Variants in DCLK1 observed in about 807,000 individuals in gnomAD.
DCLK1 encodes serine/threonine-protein kinase DCLK1.
Under a neutral mutation model 86.2 loss-of-function variants are expected in DCLK1, and 16 were observed. That is an observed-to-expected ratio of 0.19 (90% CI 0.13 to 0.28). The LOEUF is 0.28. Ranked by LOEUF, DCLK1 falls within the 10% of genes least tolerant of loss-of-function variation. The pLI is 1.00. For synonymous variants in DCLK1, 369 were observed against 370.5 expected, an observed-to-expected ratio of 1.00 and a Z score of 0.05; for missense variants, 590 against 940.2, an observed-to-expected ratio of 0.63 and a Z score of 4.87.
chr13:35,859,208 C>A (rs1871248064), intron 5 of DCLK1, among the ~76,000 whole-genome samples: 1 of 152,146 alleles, frequency 6.6e-6, no homozygotes, highest in African/African-American at 2.4e-5. Context: ...TGTTAAACAG[C>A]CAAGCAGGGC....
At chr13:35,801,158 T>G (rs1406268649) in intron 15 of DCLK1, among the ~76,000 whole-genome samples, 1 of 152,246 alleles carries the variant, frequency 6.6e-6, no homozygotes, top group African/African-American at 2.4e-5. Context: ...ATTAGTACTT[T>G]TCTTCCCCCT....
intron 3 of DCLK1, among the ~76,000 whole-genome samples, chr13:35,992,890 C>G (rs536503113): frequency 1.3e-5 from 2 of 152,272 alleles, no homozygotes; most frequent in Non-Finnish European, 2.9e-5. Flanking sequence ...ATGAACTGCA[C>G]TGATATACTA....
At chr13:36,013,817 C>A (rs979870672) in intron 3 of DCLK1, among the ~76,000 whole-genome samples, 2 of 152,182 alleles carry the variant, frequency 1.3e-5, no homozygotes, top group Non-Finnish European at 2.9e-5. Flanking sequence ...GCGGGCGCCC[C>A]TCCCCCAGCC....
chr13:35,938,900 G>A (rs1029527867), intron 4 of DCLK1, among the ~76,000 whole-genome samples: 7 of 152,148 alleles, frequency 4.6e-5, no homozygotes, highest in Non-Finnish European at 4.4e-5. Flanking sequence ...AGGACCGGAA[G>A]AGAAAATGTA....
intron 4 of DCLK1, among the ~76,000 whole-genome samples, chr13:35,872,903 C>T (rs776319308): frequency 2.6e-5 from 4 of 152,032 alleles, no homozygotes; most frequent in Non-Finnish European, 5.9e-5. Context: ...ATACATTTTC[C>T]ATACTTATAT....
intron 11 of DCLK1, among the ~76,000 whole-genome samples, chr13:35,818,992 G>C (rs2087333559): frequency 6.6e-6 from 1 of 151,994 alleles, no homozygotes; most frequent in African/African-American, 2.4e-5. Flanking sequence ...CGTCTAACAG[G>C]CCAGTTGGGA....
intron 3 of DCLK1, among the ~76,000 whole-genome samples, chr13:36,051,479 T>C (rs1883121183): frequency 6.6e-6 from 1 of 152,044 alleles, no homozygotes; most frequent in South Asian, 2.1e-4. Context: ...AACACATAAG[T>C]ACATTTGTCT....
At chr13:35,805,876 T>G in intron 14 of DCLK1, 97 bp from the exon 15 acceptor site, 4 of 1,077,910 alleles carry the variant, frequency 3.7e-6, no homozygotes, top group Non-Finnish European at 5.3e-6. Flanking sequence ...CGAAAAGCAT[T>G]TGTAAAAGCT....
rs140633784 is a variant in DCLK1 at position 35,966,536 on chromosome 13, G to A, written c.724-19079C>T. On this transcript the variant is annotated intron_variant, in intron 3 of 16. Transcript: ENST00000360631. ...CCCCTCTCCCTCTCCCTCTTTGCAC[G>A]GTCTCCCTCTGATGCTGAGCGGAGG... Among the ~76,000 whole-genome samples the A allele has an allele frequency of 8.5e-3, 827 of 96,878 alleles. 17 individuals carry two copies. Among genetic ancestry groups the A allele is most frequent in the African/African-American group, 0.032 (787 of 24,866 alleles). The allele number at this position is 96,878 out of a possible 152,430, so 63.6% of individuals were successfully genotyped here.
rs371013400 is a variant in DCLK1, at chr13:35,866,954, G to A, written c.940+4270C>T. Among the ~76,000 whole-genome samples the A allele has an allele frequency of 2.8e-4, 42 of 152,324 alleles. No homozygotes were observed. The South Asian group carries it at 8.7e-3, about 32-fold the overall frequency. ...GGCCAGAGCAGTGGAGGGGCCCTGA[G>A]AGAGGGGTTTCCCTGACATCCAGCA... On this transcript the variant is annotated intron_variant, in intron 5 of 16. Transcript: ENST00000360631.
chr13:35,891,612 G>T (rs1013117173), intron 4 of DCLK1, among the ~76,000 whole-genome samples: 1 of 152,202 alleles, frequency 6.6e-6, no homozygotes, highest in African/African-American at 2.4e-5. Context: ...TGGGTGAATT[G>T]TATGGTATGT....
intron 8 of DCLK1, among the ~76,000 whole-genome samples, chr13:35,830,321 G>A (rs1393318622): frequency 6.6e-6 from 1 of 152,108 alleles, no homozygotes; most frequent in African/African-American, 2.4e-5. Flanking sequence ...AGCCCAGGAG[G>A]TAAAGGCTGC....
chr13:35,857,658 C>T (rs1248648827), intron 5 of DCLK1, among the ~76,000 whole-genome samples: 1 of 152,236 alleles, frequency 6.6e-6, no homozygotes, highest in Non-Finnish European at 1.5e-5. Flanking sequence ...CGAGGTATCA[C>T]AACAGCCATT....
chr13:35,859,168 G>A (rs1366309950), intron 5 of DCLK1, among the ~76,000 whole-genome samples: 1 of 152,084 alleles, frequency 6.6e-6, no homozygotes, highest in African/African-American at 2.4e-5. Flanking sequence ...TCTTTATCTT[G>A]AATGGGAACA....
intron 6 of DCLK1, among the ~76,000 whole-genome samples, chr13:35,845,039 G>A (rs550328229): frequency 6.6e-6 from 1 of 152,326 alleles, no homozygotes; most frequent in South Asian, 2.1e-4. Flanking sequence ...CTTGAGGTCA[G>A]GAGTTCGAGA....
chr13:35,973,138 G>C (rs995962585), intron 3 of DCLK1, among the ~76,000 whole-genome samples: 1 of 152,180 alleles, frequency 6.6e-6, no homozygotes, highest in Non-Finnish European at 1.5e-5. Context: ...GGCAGAAGGA[G>C]GGGAGGTGGT....
At chr13:36,013,603 G>C (rs1197290885) in intron 3 of DCLK1, among the ~76,000 whole-genome samples, 8 of 152,040 alleles carry the variant, frequency 5.3e-5, no homozygotes, top group East Asian at 3.9e-4. Context: ...CTCCAGCTGC[G>C]TGCTGGGAGA....
intron 2 of DCLK1, among the ~76,000 whole-genome samples, chr13:36,124,447 C>T (rs1886099985): frequency 6.6e-6 from 1 of 152,254 alleles, no homozygotes; most frequent in Non-Finnish European, 1.5e-5. Flanking sequence ...CCTCTGCACG[C>T]TCTCAAGGCC....
chr13:35,788,430 C>G, intron 16 of DCLK1: 1 of 721,332 alleles, frequency 1.4e-6, no homozygotes, highest in Non-Finnish European at 2.3e-6. Flanking sequence ...TATCCTAAGT[C>G]TGCATACTGA....
Sources: allele counts gnomAD v4.1 joint callset (sites outside exome capture counted in the v4.1 genomes callset), GRCh38; gene constraint gnomAD v4.1.1; transcripts MANE v1.5; gene names NCBI Gene and HGNC (gene_info 2026-07-23, HGNC 2026-07-21).